PCDH11X: variants seen among roughly 807,000 people sequenced by gnomAD.
PCDH11X encodes protocadherin 11 X-linked.
In PCDH11X, 18 loss-of-function variants were observed where a neutral mutation model predicts 53.3. The ratio of observed to expected loss-of-function variants is 0.34; its 90% CI spans 0.23 to 0.50. The LOEUF (loss-of-function observed/expected upper bound fraction) is 0.50. PCDH11X is among the 20% of genes least tolerant of loss of function. PCDH11X has a pLI of 0.98. For synonymous variants in PCDH11X, 279 were observed against 393.3 expected, an observed-to-expected ratio of 0.71 and a Z score of 3.44; for missense variants, 570 against 1,032.4, an observed-to-expected ratio of 0.55 and a Z score of 6.14.
At chrX:92,484,235 A>G (rs1341350128) in intron 10 of PCDH11X, among the ~76,000 whole-genome samples, 9 of 96,339 alleles carry the variant, frequency 9.3e-5, no homozygotes, top group East Asian at 3.1e-4. Context: ...GTATATATGT[A>G]TATATGTATA....
chrX:92,311,440 A>G (rs1398410347), intron 8 of PCDH11X, among the ~76,000 whole-genome samples: 2 of 110,791 alleles, frequency 1.8e-5, no homozygotes, highest in Non-Finnish European at 3.8e-5. Flanking sequence ...TTGTATATTT[A>G]GTTCTTCAAA....
chrX:92,130,226 A>G (rs2064947255), intron 6 of PCDH11X, among the ~76,000 whole-genome samples: 1 of 111,211 alleles, frequency 9.0e-6, no homozygotes, highest in Admixed American at 9.7e-5. Context: ...AAAGCATTTC[A>G]CTTATTTACT....
intron 9 of PCDH11X, among the ~76,000 whole-genome samples, chrX:92,424,076 CA>C (rs957749929): frequency 2.1e-5 from 2 of 96,136 alleles, no homozygotes; most frequent in African/African-American, 6.7e-5. Context: ...TTGCTTTTGG[CA>C]GCATGGTACC....
intron 6 of PCDH11X, among the ~76,000 whole-genome samples, chrX:92,098,636 CTTTTTTTTTTT>C (rs34306564): frequency 4.6e-5 from 2 of 43,902 alleles, no homozygotes; most frequent in Non-Finnish European, 7.5e-5. Flanking sequence ...TCCAAATGCT[CTTTTTTTTTTT>C]TTTTTTTTTT....
chrX:91,858,348 A>G (rs1228928740), intron 5 of PCDH11X, among the ~76,000 whole-genome samples: 8 of 111,359 alleles, frequency 7.2e-5, no homozygotes, highest in Non-Finnish European at 1.1e-4. Flanking sequence ...ATCTGCTGAC[A>G]TGTCCTGGAG....
intron 10 of PCDH11X, among the ~76,000 whole-genome samples, chrX:92,556,499 G>A (rs1157854141): frequency 9.0e-6 from 1 of 111,653 alleles, no homozygotes; most frequent in African/African-American, 3.3e-5. Context: ...CAACAGAGAA[G>A]TCAATAAATC....
rs373008132 is a variant in PCDH11X at position 92,293,540 on chromosome X, A to C, written c.3144+30397A>C. ...TCGGGAGGCTGAGGCAGGAGAATGG[A>C]GTGAACCAGGAGGCGGAGCTGGCAG... On this transcript the variant is annotated intron_variant, in intron 8 of 10. Transcript: ENST00000682573. 1.2e-3 allele frequency among the ~76,000 whole-genome samples: 127 copies of C among 106,147 alleles called. 1 individual carries two copies. Among genetic ancestry groups the C allele is most frequent in the African/African-American group, 3.2e-3 (89 of 27,887 alleles). 92.2% of individuals were successfully genotyped at this position (106,147 alleles called of 115,157 possible).
intron 8 of PCDH11X, among the ~76,000 whole-genome samples, chrX:92,279,817 G>T (rs1213068844): frequency 8.9e-6 from 1 of 111,836 alleles, no homozygotes; most frequent in Admixed American, 9.5e-5. Context: ...TTAATTAACT[G>T]CAGATCTTAT....
At chrX:92,609,946 C>T (rs377378867) in intron 10 of PCDH11X, among the ~76,000 whole-genome samples, 8 of 111,628 alleles carry the variant, frequency 7.2e-5, no homozygotes, top group Non-Finnish European at 5.7e-5. Flanking sequence ...TTAAAGACTG[C>T]GTATATCCTA....
chrX:92,206,643 C>T (rs2066481694), intron 7 of PCDH11X, among the ~76,000 whole-genome samples: 1 of 110,934 alleles, frequency 9.0e-6, no homozygotes, highest in South Asian at 3.8e-4. Flanking sequence ...TCTCCTGCCT[C>T]AGCCTCCCAA....
intron 5 of PCDH11X, among the ~76,000 whole-genome samples, chrX:91,867,001 T>A (rs1335703061): frequency 8.9e-6 from 1 of 111,890 alleles, no homozygotes; most frequent in Admixed American, 9.5e-5. Context: ...CTGTAAAGAA[T>A]TGGTTAGTTG....
intron 6 of PCDH11X, among the ~76,000 whole-genome samples, chrX:91,894,565 T>C (rs1442407153): frequency 9.0e-6 from 1 of 111,595 alleles, no homozygotes; most frequent in African/African-American, 3.3e-5. Context: ...CAAAAGTATG[T>C]TTTACTCCGA....
intron 6 of PCDH11X, among the ~76,000 whole-genome samples, chrX:92,142,966 A>G (rs890819375): frequency 2.7e-5 from 3 of 110,236 alleles, no homozygotes; most frequent in Non-Finnish European, 5.7e-5. Flanking sequence ...AAACCTATAT[A>G]TGCATTTAAA....
intron 10 of PCDH11X, among the ~76,000 whole-genome samples, chrX:92,479,781 A>ATT (rs759883767): frequency 9.9e-6 from 1 of 100,788 alleles, no homozygotes. Flanking sequence ...GTTGCCTTTA[A>ATT]TTTTTTTTTT....
chrX:91,949,972 A>G (rs2061619570), intron 6 of PCDH11X, among the ~76,000 whole-genome samples: 1 of 108,986 alleles, frequency 9.2e-6, no homozygotes, highest in Non-Finnish European at 1.9e-5. Context: ...CAATAATAAG[A>G]GCGGCCTGAC....
chrX:91,782,674 C>T, intron 1 of PCDH11X, among the ~76,000 whole-genome samples: 1 of 108,723 alleles, frequency 9.2e-6, no homozygotes, highest in Non-Finnish European at 1.9e-5. Context: ...TTGGAAGTTG[C>T]GGAAAGGCTC....
intron 10 of PCDH11X, among the ~76,000 whole-genome samples, chrX:92,617,644 A>C (rs1436678655): frequency 1.8e-5 from 2 of 110,787 alleles, no homozygotes; most frequent in African/African-American, 6.5e-5. Context: ...GAGTATTATA[A>C]ACTATTATAG....
chrX:92,120,501 T>G (rs1185308198), intron 6 of PCDH11X, among the ~76,000 whole-genome samples: 3 of 113,049 alleles, frequency 2.7e-5, no homozygotes, highest in African/African-American at 9.6e-5. Context: ...AACAAAGAGA[T>G]AAGTATGGTG....
At chrX:92,245,447 C>A (rs1340351551) in intron 7 of PCDH11X, among the ~76,000 whole-genome samples, 1 of 112,224 alleles carries the variant, frequency 8.9e-6, no homozygotes, top group Non-Finnish European at 1.9e-5. Flanking sequence ...TACAATGATA[C>A]CTCTATTAAT....
Sources: gnomAD v4.1 joint callset for allele counts (sites outside exome capture counted in the v4.1 genomes callset) on GRCh38, gnomAD v4.1.1 for gene constraint, MANE v1.5 for transcripts, NCBI Gene and HGNC (gene_info 2026-07-23, HGNC 2026-07-21) for gene names.